SH3GL3: variants seen among roughly 807,000 people sequenced by gnomAD.
SH3GL3 encodes SH3 domain containing GRB2 like 3, endophilin A3.
A neutral mutation model predicts 47.7 loss-of-function variants in SH3GL3; 33 were observed. That is an observed-to-expected ratio of 0.69 (90% CI 0.52 to 0.92). SH3GL3 has a LOEUF of 0.92. SH3GL3 is among the 40% of genes least tolerant of loss of function. The pLI is 0.00. For synonymous variants in SH3GL3, 155 were observed against 148.8 expected, an observed-to-expected ratio of 1.04 and a Z score of -0.30; for missense variants, 363 against 417.8, an observed-to-expected ratio of 0.87 and a Z score of 1.14.
intron 1 of SH3GL3, among the ~76,000 whole-genome samples, chr15:83,486,127 A>C (rs1361740367): frequency 6.6e-6 from 1 of 152,204 alleles, no homozygotes; most frequent in Non-Finnish European, 1.5e-5. Flanking sequence ...GCCTATATTC[A>C]AATTTCTCTA....
chr15:83,521,636 T>C (rs1301660471), intron 1 of SH3GL3, among the ~76,000 whole-genome samples: 1 of 152,138 alleles, frequency 6.6e-6, no homozygotes, highest in Non-Finnish European at 1.5e-5. Flanking sequence ...GAAATGTAGA[T>C]TGCAGAGTAG....
rs1236376121 is a variant in SH3GL3 at position 83,447,638 on chromosome 15, G to A, written c.45+60G>A. On this transcript the variant is annotated intron_variant, in intron 1 of 8. Transcript: ENST00000427482. This position sits in a 1 kb window ranked among gnomAD's most constrained non-coding sequence, Gnocchi z 5.1. ...GACGCGGAGGCTGCGGCCCCCCGAG[G>A]CTCCCGGGCCTTTGGGACTCCTGTT... 4 of 1,291,866 alleles carry A rather than the reference G, an allele frequency of 3.1e-6. No individual in the cohort carries two copies. The highest frequency in any genetic ancestry group is 1.5e-5 in the South Asian group (1 of 67,444). 80.0% of individuals were successfully genotyped at this position (1,291,866 alleles called of 1,614,324 possible).
At chr15:83,591,193 A>G (rs1414593157) in intron 8 of SH3GL3, among the ~76,000 whole-genome samples, 1 of 152,100 alleles carries the variant, frequency 6.6e-6, no homozygotes, top group African/African-American at 2.4e-5. Flanking sequence ...TTTTTAGTAG[A>G]GATGGGGTTT....
At chr15:83,487,860 T>G (rs1054312791) in intron 1 of SH3GL3, among the ~76,000 whole-genome samples, 3 of 151,234 alleles carry the variant, frequency 2.0e-5, no homozygotes, top group African/African-American at 7.3e-5. Flanking sequence ...TTTTTTAATT[T>G]TCTTTTCTTT....
At chr15:83,499,529 C>T (rs780916394) in intron 1 of SH3GL3, among the ~76,000 whole-genome samples, 23 of 151,912 alleles carry the variant, frequency 1.5e-4, no homozygotes, top group African/African-American at 5.1e-4. Flanking sequence ...TGTAGTCATA[C>T]GTGTAATCAT....
chr15:83,509,372 G>A (rs75438534), intron 1 of SH3GL3, among the ~76,000 whole-genome samples: 2,997 of 152,318 alleles, frequency 0.02, 37 homozygotes, highest in Non-Finnish European at 0.023. Flanking sequence ...AAGGAAGCTC[G>A]TAAGTTCGTG....
chr15:83,486,782 T>C (rs1265036939), intron 1 of SH3GL3, among the ~76,000 whole-genome samples: 3 of 152,186 alleles, frequency 2.0e-5, no homozygotes, highest in Admixed American at 2.0e-4. Context: ...ATTTTTCAGT[T>C]ATGGAGGCTG....
intron 6 of SH3GL3, among the ~76,000 whole-genome samples, chr15:83,577,305 A>G (rs1336651587): frequency 6.6e-6 from 1 of 152,170 alleles, no homozygotes; most frequent in Non-Finnish European, 1.5e-5. Flanking sequence ...AGGTTGGACA[A>G]ACTTGCTCTA....
At chr15:83,609,672 G>A (rs944348871) in intron 8 of SH3GL3, among the ~76,000 whole-genome samples, 2 of 152,166 alleles carry the variant, frequency 1.3e-5, no homozygotes, top group African/African-American at 2.4e-5. Context: ...AAAGGAGCAA[G>A]CACAGTGGGC....
intron 8 of SH3GL3, among the ~76,000 whole-genome samples, chr15:83,612,396 T>C (rs1156556711): frequency 6.6e-6 from 1 of 152,222 alleles, no homozygotes; most frequent in Non-Finnish European, 1.5e-5. Flanking sequence ...TCTGGGTTGC[T>C]GAATCTCTGT....
At position 83,501,907 on chromosome 15, in the gene SH3GL3, A is replaced by G. The variant is rs566862477; in HGVS notation, c.45+54329A>G. ...TTCCGTCTCAAAAAAAAGAAAAGAAAAAAAAGACTTACTGGCTTCTTTTTA... is the reference window on the plus strand; with the variant it reads ...TTCCGTCTCAAAAAAAAGAAAAGAAGAAAAAGACTTACTGGCTTCTTTTTA... On this transcript the variant is annotated intron_variant, in intron 1 of 8. Transcript: ENST00000427482. 3.3e-5 allele frequency among the ~76,000 whole-genome samples: 5 copies of G among 152,290 alleles called. No homozygotes were observed. The South Asian group carries it at 1.0e-3, about 32-fold the overall frequency.
intron 1 of SH3GL3, among the ~76,000 whole-genome samples, chr15:83,537,002 T>C (rs17158873): frequency 0.14 from 20,708 of 152,188 alleles, 1,663 homozygotes; most frequent in South Asian, 0.37. Flanking sequence ...GACCCATCAC[T>C]GTAGGTAGCT....
chr15:83,499,516 A>AAGTGT (rs1433860051), intron 1 of SH3GL3, among the ~76,000 whole-genome samples: 2 of 152,184 alleles, frequency 1.3e-5, no homozygotes, highest in Non-Finnish European at 2.9e-5. Flanking sequence ...AAACATTTTA[A>AAGTGT]AGTGTAGTCA....
At chr15:83,507,708 C>A (rs1194177448) in intron 1 of SH3GL3, among the ~76,000 whole-genome samples, 2 of 152,116 alleles carry the variant, frequency 1.3e-5, no homozygotes, top group African/African-American at 4.8e-5. Context: ...AGCCACCGCG[C>A]CTGGCCTCAT....
At chr15:83,557,188 A>T (rs8037686) in intron 1 of SH3GL3, among the ~76,000 whole-genome samples, 30,665 of 152,154 alleles carry the variant, frequency 0.2, 3,305 homozygotes, top group Middle Eastern at 0.24. Flanking sequence ...GCCACTCCCC[A>T]CCCCAGGAGA....
chr15:83,585,118 A>C (rs1193430720), intron 6 of SH3GL3, among the ~76,000 whole-genome samples: 1 of 152,224 alleles, frequency 6.6e-6, no homozygotes, highest in Non-Finnish European at 1.5e-5. Flanking sequence ...CCTGGTCTTT[A>C]CTGTCAACAA....
Position 83,576,620 on chromosome 15 carries a change from A to T in SH3GL3, c.503A>T (p.Tyr168Phe). 6.2e-7 allele frequency: 1 copy of T among 1,612,040 alleles called. No homozygotes were observed. The highest frequency in any genetic ancestry group is 8.5e-7 in the Non-Finnish European group (1 of 1,179,372). Residue 168 changes from tyrosine (Y) to phenylalanine (F), a missense_variant, in exon 6 of 9, where the codon TAC (tyrosine) becomes TTC (phenylalanine). Physicochemically the swap from Tyr to Phe is conservative, Grantham distance 22. Coordinates refer to ENST00000427482, the MANE Select transcript of SH3GL3 (RefSeq NM_003027.5). Reference sequence around the variant, plus strand: ...AAGCTGGAAGGCCGCCGCCTGGATTACGATTATAAAAAGAAACGAGTAGGT... The same window carrying T: ...AAGCTGGAAGGCCGCCGCCTGGATTTCGATTATAAAAAGAAACGAGTAGGT... ...LKKLEGRRLD[Y>F]DYKKKRVGKI...
intron 1 of SH3GL3, among the ~76,000 whole-genome samples, chr15:83,536,843 A>C (rs572460008): frequency 6.6e-6 from 1 of 152,308 alleles, no homozygotes; most frequent in Admixed American, 6.5e-5. Flanking sequence ...GTATTAATGA[A>C]AACTTTAAAA....
chr15:83,476,171 C>T (rs1217493019), intron 1 of SH3GL3, among the ~76,000 whole-genome samples: 4 of 152,058 alleles, frequency 2.6e-5, no homozygotes, highest in East Asian at 1.9e-4. Flanking sequence ...CCTCCTTCTA[C>T]GAAGGAGGGA....
Sources: gnomAD v4.1 joint callset for allele counts (sites outside exome capture counted in the v4.1 genomes callset) on GRCh38, gnomAD v4.1.1 for gene constraint, Gnocchi (gnomAD v3.1) non-coding constraint, MANE v1.5 for transcripts, NCBI Gene and HGNC (gene_info 2026-07-23, HGNC 2026-07-21) for gene names.